Variants in LRMDA observed in about 807,000 individuals in gnomAD.
LRMDA encodes leucine rich melanocyte differentiation associated.
A neutral mutation model predicts 29.8 loss-of-function variants in LRMDA; 18 were observed. The observed-to-expected ratio is 0.60, with a 90% CI of 0.42 to 0.90. The LOEUF is 0.90. Ranked by LOEUF, LRMDA falls within the 40% of genes least tolerant of loss-of-function variation. LRMDA has a pLI of 0.00. For synonymous variants in LRMDA, 125 were observed against 109.4 expected (o/e 1.14, Z -0.89); for missense variants, 273 against 273.9 (o/e 1.00, Z 0.02).
At chr10:75,692,816 A>G (rs995035594) in intron 2 of LRMDA, among the ~76,000 whole-genome samples, 3 of 152,158 alleles carry the variant, frequency 2.0e-5, no homozygotes, top group Admixed American at 2.0e-4. Context: ...GAGTACCACC[A>G]GAATGCCACG....
At chr10:75,939,528 G>A (rs1846352450) in intron 2 of LRMDA, among the ~76,000 whole-genome samples, 1 of 152,114 alleles carries the variant, frequency 6.6e-6, no homozygotes, top group Non-Finnish European at 1.5e-5. Flanking sequence ...TGCTCATCTT[G>A]TTTGGATACA....
chr10:76,120,479 T>C (rs544640682), intron 5 of LRMDA, among the ~76,000 whole-genome samples: 13 of 152,282 alleles, frequency 8.5e-5, no homozygotes, highest in African/African-American at 2.9e-4. Flanking sequence ...TGAGTCACCA[T>C]GCCTGGCCAA....
chr10:75,517,013 T>TGTGTG (rs1845298023), intron 2 of LRMDA, among the ~76,000 whole-genome samples: 1 of 152,138 alleles, frequency 6.6e-6, no homozygotes, highest in African/African-American at 2.4e-5. Flanking sequence ...TGGTTGTAGT[T>TGTGTG]GTGTGGTGTT....
At chr10:76,311,322 A>G (rs1340130974) in intron 5 of LRMDA, among the ~76,000 whole-genome samples, 1 of 132,062 alleles carries the variant, frequency 7.6e-6, no homozygotes, top group African/African-American at 2.6e-5. Context: ...ACACATTTAA[A>G]TGAAATTTCC....
chr10:76,053,141 C>T (rs74494845), intron 4 of LRMDA, among the ~76,000 whole-genome samples: 42 of 152,226 alleles, frequency 2.8e-4, no homozygotes, highest in African/African-American at 9.9e-4. Flanking sequence ...GAATTACTTA[C>T]CTGCAAACCC....
chr10:76,228,398 A>C (rs770605823), intron 5 of LRMDA, among the ~76,000 whole-genome samples: 95 of 152,258 alleles, frequency 6.2e-4, no homozygotes, highest in Non-Finnish European at 1.1e-3. Flanking sequence ...GCATTGTAAT[A>C]GACGGAGTTT....
intron 2 of LRMDA, among the ~76,000 whole-genome samples, chr10:75,755,317 A>G (rs920685294): frequency 2.0e-5 from 3 of 152,260 alleles, no homozygotes; most frequent in Non-Finnish European, 4.4e-5. Flanking sequence ...GCACTATCTT[A>G]TTACCATGTC....
intron 5 of LRMDA, among the ~76,000 whole-genome samples, chr10:76,294,614 A>G (rs1420957578): frequency 6.6e-6 from 1 of 152,236 alleles, no homozygotes; most frequent in Non-Finnish European, 1.5e-5. Context: ...AGGTCAGAAC[A>G]TTCCACAGGT....
intron 6 of LRMDA, 100 bp downstream of exon 6, chr10:76,324,585 A>G: frequency 9.8e-7 from 1 of 1,018,776 alleles, no homozygotes; most frequent in Non-Finnish European, 1.5e-6. Context: ...CTTTAGAAAG[A>G]ACACAGTGCT....
intron 2 of LRMDA, among the ~76,000 whole-genome samples, chr10:75,653,891 T>C (rs1370482628): frequency 6.6e-6 from 1 of 152,200 alleles, no homozygotes. Flanking sequence ...GCCTGCTAGG[T>C]ATACCCTTTT....
intron 5 of LRMDA, among the ~76,000 whole-genome samples, chr10:76,195,006 T>C (rs1851307890): frequency 6.6e-6 from 1 of 152,228 alleles, no homozygotes; most frequent in Admixed American, 6.5e-5. Flanking sequence ...CCTGGGATGC[T>C]CTTTGGTCAA....
chr10:75,736,692 A>T (rs986023914), intron 2 of LRMDA, among the ~76,000 whole-genome samples: 19 of 152,242 alleles, frequency 1.2e-4, no homozygotes, highest in Non-Finnish European at 2.4e-4. Context: ...CATCGGCTTC[A>T]AGAAGTTTTT....
At chr10:75,723,907 C>T (rs560988398) in intron 2 of LRMDA, among the ~76,000 whole-genome samples, 62 of 152,060 alleles carry the variant, frequency 4.1e-4, no homozygotes, top group African/African-American at 1.4e-3. Flanking sequence ...AGTGTAATGC[C>T]GTAGTAAAAA....
chr10:75,657,209 T>C (rs762198808), intron 2 of LRMDA, among the ~76,000 whole-genome samples: 3 of 152,138 alleles, frequency 2.0e-5, no homozygotes, highest in Non-Finnish European at 4.4e-5. Flanking sequence ...CAGAAAACAA[T>C]GGTGAAAAAT....
intron 2 of LRMDA, among the ~76,000 whole-genome samples, chr10:75,689,056 T>A (rs1174921494): frequency 6.6e-6 from 1 of 152,152 alleles, no homozygotes; most frequent in Non-Finnish European, 1.5e-5. Context: ...ATTTGGATTG[T>A]TTGCTTTATC....
chr10:75,827,641 C>T (rs1844270431), intron 2 of LRMDA, among the ~76,000 whole-genome samples: 1 of 152,124 alleles, frequency 6.6e-6, no homozygotes, highest in African/African-American at 2.4e-5. Context: ...AAGCAAAGTG[C>T]AAAAATCAAC....
intron 2 of LRMDA, among the ~76,000 whole-genome samples, chr10:75,747,638 C>T (rs1396035628): frequency 1.3e-5 from 2 of 152,046 alleles, no homozygotes; most frequent in East Asian, 1.9e-4. Flanking sequence ...AATGCTGTAT[C>T]CTTTCCTTAA....
chr10:76,058,373 G>A (rs539673942), intron 4 of LRMDA, among the ~76,000 whole-genome samples: 9 of 152,340 alleles, frequency 5.9e-5, no homozygotes, highest in African/African-American at 1.2e-4. Context: ...AAGGGCATGC[G>A]TTGATAGGGT....
intron 6 of LRMDA, among the ~76,000 whole-genome samples, chr10:76,512,785 G>A (rs1404935342): frequency 2.6e-5 from 4 of 151,994 alleles, no homozygotes; most frequent in Non-Finnish European, 5.9e-5. Context: ...TATAGGCCTT[G>A]TTTTTTTAAT....
Sources: allele counts gnomAD v4.1 joint callset (sites outside exome capture counted in the v4.1 genomes callset), GRCh38; gene constraint gnomAD v4.1.1; transcripts MANE v1.5; gene names NCBI Gene and HGNC (gene_info 2026-07-23, HGNC 2026-07-21).